Variants in FRMPD4 observed in about 807,000 individuals in gnomAD.
The protein encoded by FRMPD4 is FERM and PDZ domain containing 4.
In FRMPD4, 22 loss-of-function variants were observed where a neutral mutation model predicts 94.1. The ratio of observed to expected loss-of-function variants is 0.23; its 90% CI spans 0.17 to 0.33. FRMPD4 has a LOEUF of 0.33. FRMPD4 is among the 10% of genes least tolerant of loss of function. The pLI, the probability that FRMPD4 is intolerant of heterozygous loss-of-function variation, is 1.00. For synonymous variants in FRMPD4, 631 were observed against 548.6 expected (o/e 1.15, Z -2.10); for missense variants, 1,111 against 1,339.9 (o/e 0.83, Z 2.67).
intron 1 of FRMPD4, among the ~76,000 whole-genome samples, chrX:11,860,384 G>A (rs1003547467): frequency 1.8e-5 from 2 of 112,096 alleles, no homozygotes; most frequent in African/African-American, 6.5e-5. Context: ...ACTGGACTGT[G>A]TGATTGAAGA....
chrX:12,498,821 A>T (rs371043214), intron 2 of FRMPD4, 25 bp downstream of exon 2: 2 of 816,221 alleles, frequency 2.5e-6, no homozygotes, highest in Non-Finnish European at 3.6e-6. Context: ...TGGCATGAAC[A>T]ATAGAATCCT....
At chrX:11,944,637 G>A (rs2054179326) in intron 3 of FRMPD4, among the ~76,000 whole-genome samples, 1 of 111,291 alleles carries the variant, frequency 9.0e-6, no homozygotes, top group Non-Finnish European at 1.9e-5. Flanking sequence ...GCTGATAATC[G>A]GGAGGCTGCA....
At chrX:11,855,684 T>C (rs1344925858) in intron 1 of FRMPD4, among the ~76,000 whole-genome samples, 1 of 112,424 alleles carries the variant, frequency 8.9e-6, no homozygotes, top group Non-Finnish European at 1.9e-5. Context: ...AACTTCATTG[T>C]CCACATCACT....
chrX:12,507,884 T>C (rs974144598), intron 2 of FRMPD4, among the ~76,000 whole-genome samples: 3 of 111,905 alleles, frequency 2.7e-5, no homozygotes, highest in African/African-American at 9.8e-5. Context: ...GGAGGTCTGC[T>C]AATCAATCAC....
intron 3 of FRMPD4, among the ~76,000 whole-genome samples, chrX:12,108,506 C>G (rs1298246907): frequency 8.9e-6 from 1 of 112,243 alleles, no homozygotes; most frequent in African/African-American, 3.2e-5. Flanking sequence ...TAGGAAGAAA[C>G]TGCATCAACT....
intron 3 of FRMPD4, among the ~76,000 whole-genome samples, chrX:11,893,844 A>G (rs2053888138): frequency 9.0e-6 from 1 of 111,450 alleles, no homozygotes; most frequent in Admixed American, 9.5e-5. Context: ...GAGTTAGAGA[A>G]GGAAAAAGAG....
chrX:12,618,366 A>C (rs1227788370), intron 4 of FRMPD4, among the ~76,000 whole-genome samples: 1 of 111,853 alleles, frequency 8.9e-6, no homozygotes, highest in East Asian at 2.8e-4. Context: ...GCATGTATAG[A>C]TACGTAGGCA....
In FRMPD4 at chrX:12,119,233, C is replaced by T. The variant is rs193234301; in HGVS notation, c.95+241215C>T. On this transcript the variant is annotated intron_variant, in intron 3 of 18. Coordinates refer to the FRMPD4 transcript ENST00000640291. ...AAAGCTTCTACCATGAAAAGTTCAG[C>T]ATGCTGTATGTATTTGGGATGCATC... 1.1e-4 allele frequency among the ~76,000 whole-genome samples: 12 copies of T among 111,541 alleles called. No individual in the cohort carries two copies. The East Asian group carries it at 3.1e-3, about 29-fold the overall frequency.
At chrX:11,959,103 A>G (rs997729712) in intron 3 of FRMPD4, among the ~76,000 whole-genome samples, 1 of 112,869 alleles carries the variant, frequency 8.9e-6, no homozygotes, top group African/African-American at 3.2e-5. Context: ...AGTTATTTCC[A>G]TAAGTGAAGC....
intron 1 of FRMPD4, among the ~76,000 whole-genome samples, chrX:11,846,903 C>T (rs1388623485): frequency 1.8e-5 from 2 of 109,196 alleles, no homozygotes; most frequent in African/African-American, 3.3e-5. Context: ...AAGACTTAAA[C>T]GTTAGACCTA....
At chrX:12,354,288 G>A (rs2055861939) in intron 1 of FRMPD4, among the ~76,000 whole-genome samples, 1 of 111,990 alleles carries the variant, frequency 8.9e-6, no homozygotes, top group African/African-American at 3.3e-5. Context: ...GTCATTTTCA[G>A]TGGAGGAAAA....
At position 12,253,876 on chromosome X, in the gene FRMPD4, A is replaced by G. The variant is rs751099335; in HGVS notation, c.41+114864A>G. On this transcript the variant is annotated intron_variant, in intron 1 of 16. Coordinates refer to ENST00000675598, the MANE Select transcript of FRMPD4 (RefSeq NM_001368397.1). ...AAGAGTGTACTCCATGAACAAGGGAATATTATCAGGAGAACATGAGATGTA... is the reference window on the plus strand; with the variant it reads ...AAGAGTGTACTCCATGAACAAGGGAGTATTATCAGGAGAACATGAGATGTA... 6.3e-5 allele frequency among the ~76,000 whole-genome samples: 7 copies of G among 111,759 alleles called. No individual in the cohort carries two copies. The South Asian group carries it at 2.6e-3, about 42-fold the overall frequency.
intron 1 of FRMPD4, among the ~76,000 whole-genome samples, chrX:12,298,114 A>G (rs948707998): frequency 8.9e-6 from 1 of 112,078 alleles, no homozygotes; most frequent in Non-Finnish European, 1.9e-5. Flanking sequence ...TCCCATGTTG[A>G]TAAGATTAAA....
At chrX:11,840,167 C>T (rs2053526169) in intron 1 of FRMPD4, among the ~76,000 whole-genome samples, 1 of 111,041 alleles carries the variant, frequency 9.0e-6, no homozygotes, top group Non-Finnish European at 1.9e-5. Flanking sequence ...GGGAGAAATG[C>T]CATTTTAACA....
chrX:11,999,133 C>T (rs780675874), intron 3 of FRMPD4, among the ~76,000 whole-genome samples: 1 of 111,258 alleles, frequency 9.0e-6, no homozygotes, highest in Non-Finnish European at 1.9e-5. Flanking sequence ...AGCCCTTGCA[C>T]GTGCTGCCTC....
In FRMPD4 at chrX:12,133,192, C is replaced by T. The variant is rs990958722; in HGVS notation, c.95+255174C>T. Among the ~76,000 whole-genome samples, 5 of 105,824 alleles carry T rather than the reference C, an allele frequency of 4.7e-5. No individual in the cohort carries two copies. The Admixed American group carries it at 5.2e-4, about 11-fold the overall frequency. 91.9% of individuals were successfully genotyped at this position (105,824 alleles called of 115,157 possible). ...TACTTTAGCCAGTGGGAGGTAAAACCCTTCTGGTTTCTAAAAATTTATTTT... is the reference window on the plus strand; with the variant it reads ...TACTTTAGCCAGTGGGAGGTAAAACTCTTCTGGTTTCTAAAAATTTATTTT... On this transcript the variant is annotated intron_variant, in intron 3 of 18. Transcript: ENST00000640291.
intron 1 of FRMPD4, among the ~76,000 whole-genome samples, chrX:12,297,866 T>TCTTA (rs2147885769): frequency 9.0e-6 from 1 of 111,699 alleles, no homozygotes; most frequent in East Asian, 2.8e-4. Flanking sequence ...ATGCCATATA[T>TCTTA]CTTACCTCCC....
intron 2 of FRMPD4, among the ~76,000 whole-genome samples, chrX:12,582,525 A>T: frequency 9.0e-6 from 1 of 111,523 alleles, no homozygotes; most frequent in Non-Finnish European, 1.9e-5. Flanking sequence ...CTGTGGGAGG[A>T]GGGAGGCAGG....
intron 3 of FRMPD4, among the ~76,000 whole-genome samples, chrX:12,094,544 A>G (rs1199091693): frequency 2.7e-5 from 3 of 111,796 alleles, no homozygotes; most frequent in Non-Finnish European, 3.8e-5. Flanking sequence ...TTTACCTTCA[A>G]CTATGGCCGT....
Sources: allele counts gnomAD v4.1 joint callset (sites outside exome capture counted in the v4.1 genomes callset), GRCh38; gene constraint gnomAD v4.1.1; transcripts MANE v1.5; gene names NCBI Gene and HGNC (gene_info 2026-07-23, HGNC 2026-07-21).